TELO2: variants seen among roughly 807,000 people sequenced by gnomAD.
TELO2 encodes telomere maintenance 2.
A neutral mutation model predicts 91.0 loss-of-function variants in TELO2; 71 were observed. The ratio of observed to expected loss-of-function variants is 0.78; its 90% CI spans 0.64 to 0.95. The LOEUF (loss-of-function observed/expected upper bound fraction) is 0.95, where lower values mean the gene tolerates loss of function less well. Ranked by LOEUF, TELO2 falls within the 40% of genes least tolerant of loss-of-function variation. The pLI, the probability that TELO2 is intolerant of heterozygous loss-of-function variation, is 0.00. For synonymous variants in TELO2, 584 were observed against 518.9 expected, an observed-to-expected ratio of 1.13 and a Z score of -1.71; for missense variants, 1,183 against 1,141.3, an observed-to-expected ratio of 1.04 and a Z score of -0.53.
At chr16:1,506,054 C>T (rs1027776039) in intron 16 of TELO2, among the ~76,000 whole-genome samples, 184 bp from the exon 17 acceptor site, 13 of 152,220 alleles carry the variant, frequency 8.5e-5, no homozygotes, top group Non-Finnish European at 1.5e-4. Flanking sequence ...AGGCATTGGC[C>T]GCGGAGCCTG....
chr16:1,506,794 C>T, intron 17 of TELO2, 158 bp from the exon 18 acceptor site: 1 of 1,417,024 alleles, frequency 7.1e-7, no homozygotes, highest in Non-Finnish European at 9.2e-7. Flanking sequence ...GGAGTAGGCA[C>T]CCGGAAATGT....
chr16:1,498,618 G>T lies in TELO2; in HGVS notation c.831-613G>T, dbSNP rs187504863. 3.7e-3 allele frequency among the ~76,000 whole-genome samples: 568 copies of T among 152,180 alleles called. 10 individuals are homozygous for T. Among genetic ancestry groups the T allele is most frequent in the Admixed American group, 0.018 (274 of 15,284 alleles). Reference sequence around the variant, plus strand: ...TACCCAGCTAATTTTTAAATTTTTTGTAGCGACGGGGCTCACTTTGTTGCC... The same window carrying T: ...TACCCAGCTAATTTTTAAATTTTTTTTAGCGACGGGGCTCACTTTGTTGCC... On this transcript the variant is annotated intron_variant, in intron 5 of 20. Coordinates refer to ENST00000262319, the MANE Select transcript of TELO2 (RefSeq NM_016111.4).
chr16:1,501,315 C>A (rs1234004418), intron 9 of TELO2, 105 bp from the exon 10 acceptor site: 13 of 1,234,252 alleles, frequency 1.1e-5, no homozygotes, highest in African/African-American at 1.5e-5. Flanking sequence ...CTGAGTGAGA[C>A]CGGGCTGCGA....
chr16:1,506,842 A>G lies in TELO2; in HGVS notation c.2127-110A>G, dbSNP rs370854523. On this transcript the variant is annotated intron_variant, in intron 17 of 20. Transcript: ENST00000262319. ...TCTCGGTGCAGGCAAGGCGGTGGGC[A>G]CGGGAGGAGGGGCTGTGTGGGGCTC... 1.4e-3 allele frequency: 1,950 copies of G among 1,438,844 alleles called. 24 individuals carry two copies. The East Asian group carries it at 0.026, about 19-fold the overall frequency. The allele number at this position is 1,438,844 out of a possible 1,614,324, so 89.1% of individuals were successfully genotyped here.
chr16:1,502,090 C>T lies in TELO2; in HGVS notation c.1516C>T (p.Leu506=). Reference sequence around the variant, plus strand: ...CTACGACATGTCGGGGGACAGAGAGCTGAAGAGCAGCAAGGCTCCTGCCTA... The same window carrying T: ...CTACGACATGTCGGGGGACAGAGAGTTGAAGAGCAGCAAGGCTCCTGCCTA... ...VPYDMSGDRE[L]KSSKAPAYVR... The change falls in exon 12 of 21, where the codon CTG becomes TTG. Residue 506 remains leucine, a synonymous_variant. Transcript: ENST00000262319. 6.2e-7 allele frequency: 1 copy of T among 1,613,056 alleles called. No homozygotes were observed. Among genetic ancestry groups the T allele is most frequent in the Non-Finnish European group, 8.5e-7 (1 of 1,179,892 alleles).
At chr16:1,496,914 T>G in intron 3 of TELO2, 122 bp from the exon 4 acceptor site, 1 of 918,256 alleles carries the variant, frequency 1.1e-6, no homozygotes, top group Non-Finnish European at 1.7e-6. Context: ...CACCAGCCGT[T>G]GTTTTGAGTG....
chr16:1,503,028 C>G, intron 15 of TELO2, 26 bp downstream of exon 15: 1 of 1,606,994 alleles, frequency 6.2e-7, no homozygotes, highest in Non-Finnish European at 8.5e-7. Flanking sequence ...GCCTCAGTCC[C>G]CCTGGTCTGG....
In TELO2 at chr16:1,500,118, T is replaced by C; in HGVS notation, c.956T>C (p.Leu319Pro). Residue 319 changes from leucine to proline, a missense_variant, in exon 7 of 21, where the codon CTG (leucine) becomes CCG (proline). Transcript: ENST00000262319. ...CAGACGCCCATGCTGCAGAGCCTGC[T>C]GGGCCATCTGGCCATGGACAGCCAG... ...RLTTPMLQSL[L>P]GHLAMDSQRR... 1 of 1,609,042 alleles carries C rather than the reference T, an allele frequency of 6.2e-7. No homozygotes were observed. The highest frequency in any genetic ancestry group is 8.5e-7 in the Non-Finnish European group (1 of 1,179,498).
chr16:1,495,690 C>T (rs1596249702), intron 3 of TELO2, 67 bp downstream of exon 3: 10 of 1,516,588 alleles, frequency 6.6e-6, no homozygotes, highest in South Asian at 1.3e-5. Flanking sequence ...CTGCCACCCT[C>T]TGGTGCCTCA....
Position 1,506,227 on chromosome 16 carries a change from G to T in TELO2, c.2035-11G>T, listed in dbSNP as rs1392098313. The T allele has an allele frequency of 2.5e-6, 4 of 1,613,362 alleles. No individual in the cohort carries two copies. Among genetic ancestry groups the T allele is most frequent in the Non-Finnish European group, 2.5e-6 (3 of 1,179,954 alleles). On this transcript the variant is annotated splice_polypyrimidine_tract_variant and intron_variant, in intron 16 of 20. Transcript: ENST00000262319. ...CTGCACCTCCGTGATCGCTGTAGTTGTGTCTGGCAGGGTGGCCCGAGGCAG... is the reference window on the plus strand; with the variant it reads ...CTGCACCTCCGTGATCGCTGTAGTTTTGTCTGGCAGGGTGGCCCGAGGCAG...
rs777365699 is a variant in TELO2 at position 1,505,515 on chromosome 16, G to A, written c.1948G>A (p.Val650Ile). 7.4e-6 allele frequency: 12 copies of A among 1,613,070 alleles called. No homozygotes were observed. The highest frequency in any genetic ancestry group is 1.7e-5 in the Admixed American group (1 of 60,022). The stretch of plus-strand genomic sequence containing the variant: ...CACCCCGTGCCTGCCAGAGGCAGCC[G>A]TCTCTCAGCCTGGCAGTGCCGTGGC... ...PNTPCLPEAAVSQPGSAVASD... is the reference protein window; with the variant it reads ...PNTPCLPEAAISQPGSAVASD... Residue 650 changes from valine to isoleucine, a missense_variant, in exon 16 of 21, where the codon GTC (valine) becomes ATC (isoleucine). Coordinates refer to ENST00000262319, the MANE Select transcript of TELO2 (RefSeq NM_016111.4). This position sits in a 1 kb window ranked among gnomAD's most constrained non-coding sequence, Gnocchi z 4.3.
rs61743319 is a variant in TELO2, at chr16:1,494,377, G to A, written c.96G>A (p.Leu32=). 57 of 1,613,586 alleles carry A rather than the reference G, an allele frequency of 3.5e-5. No individual in the cohort carries two copies. The African/African-American group carries it at 6.5e-4, about 18-fold the overall frequency. The change falls in exon 2 of 21, where the codon CTG becomes CTA. Residue 32 remains leucine (L), a synonymous_variant. Coordinates refer to ENST00000262319, the MANE Select transcript of TELO2 (RefSeq NM_016111.4). The surrounding 1 kb of genome is among the most constrained non-coding windows in gnomAD (Gnocchi z 5.6). ...ATGGCGGCCACATCTTCTGCACCCT[G>A]GAGTCCCTGAAGCGGTATCTCGGTG... The part of the protein sequence containing the change: ...SEDGGHIFCT[L]ESLKRYLGEM...
At chr16:1,503,896 C>T (rs1288068244) in intron 15 of TELO2, among the ~76,000 whole-genome samples, 1 of 152,048 alleles carries the variant, frequency 6.6e-6, no homozygotes, top group Non-Finnish European at 1.5e-5. Flanking sequence ...CTGTGGGAGA[C>T]CAAAGTGGGA....
At chr16:1,508,420 C>T (rs1294561526) in intron 20 of TELO2, among the ~76,000 whole-genome samples, 4 of 152,212 alleles carry the variant, frequency 2.6e-5, no homozygotes, top group East Asian at 1.9e-4. Flanking sequence ...CGTGAGCCAC[C>T]GCGCCCGGCC....
At position 1,494,289 on chromosome 16, in the gene TELO2, C is replaced by T. The variant is rs764349331; in HGVS notation, c.8C>T (p.Pro3Leu). 5.6e-6 allele frequency: 9 copies of T among 1,612,380 alleles called. No homozygotes were observed. In the Admixed American group the frequency reaches 1.3e-4, roughly 24 times the overall value. Reference sequence around the variant, plus strand: ...CCAGATCTGTCCTGCAGGATGGAGCCAGCACCCTCAGAGGTTCGACTCGCC... The same window carrying T: ...CCAGATCTGTCCTGCAGGATGGAGCTAGCACCCTCAGAGGTTCGACTCGCC... Reference protein sequence around the residue: MEPAPSEVRLAVR... With the variant: MELAPSEVRLAVR... The change falls in exon 2 of 21, where the codon CCA (proline) becomes CTA (leucine). Residue 3 changes from proline to leucine, a missense_variant. Transcript: ENST00000262319. This position sits in a 1 kb window ranked among gnomAD's most constrained non-coding sequence, Gnocchi z 5.6.
In TELO2 at chr16:1,497,898, A is replaced by C. The variant is rs574482798; in HGVS notation, c.830+390A>C. On this transcript the variant is annotated intron_variant, in intron 5 of 20. Coordinates refer to ENST00000262319, the MANE Select transcript of TELO2 (RefSeq NM_016111.4). This position sits in a 1 kb window ranked among gnomAD's most constrained non-coding sequence, Gnocchi z 4.0. ...GAATCAAGGTTGCATTTCTGGAAGC[A>C]GGACTGCCGGCCATTTACCCCCACA... Among the ~76,000 whole-genome samples the C allele has an allele frequency of 6.6e-6, 1 of 152,278 alleles. No homozygotes were observed. Among genetic ancestry groups the C allele is most frequent in the East Asian group, 1.9e-4 (1 of 5,182 alleles).
In TELO2 at chr16:1,497,019, C is replaced by G. The variant is rs780759033; in HGVS notation, c.614-17C>G. The G allele has an allele frequency of 1.2e-6, 2 of 1,613,494 alleles. No individual in the cohort carries two copies. Among genetic ancestry groups the G allele is most frequent in the South Asian group, 2.2e-5 (2 of 90,960 alleles). ...CTTCCCGCCGGCTTCCTCATCAGGC[C>G]TCCCTTTCTGTCCCAGGTGGCCTGG... is the stretch of plus-strand genomic sequence containing the variant. On this transcript the variant is annotated splice_polypyrimidine_tract_variant and intron_variant, in intron 3 of 20. Transcript: ENST00000262319. This position sits in a 1 kb window ranked among gnomAD's most constrained non-coding sequence, Gnocchi z 4.0.
chr16:1,500,120 G>A lies in TELO2; in HGVS notation c.958G>A (p.Gly320Ser), dbSNP rs1596257389. ...GACGCCCATGCTGCAGAGCCTGCTG[G>A]GCCATCTGGCCATGGACAGCCAGCG... ...LTTPMLQSLL[G>S]HLAMDSQRRP... Residue 320 changes from glycine to serine, a missense_variant, in exon 7 of 21, where the codon GGC becomes AGC. Transcript: ENST00000262319. The A allele has an allele frequency of 6.8e-6, 11 of 1,608,710 alleles. No homozygotes were observed. The highest frequency in any genetic ancestry group is 1.7e-5 in the Admixed American group (1 of 59,930).
At chr16:1,496,507 G>A (rs986422718) in intron 3 of TELO2, among the ~76,000 whole-genome samples, 2 of 152,236 alleles carry the variant, frequency 1.3e-5, no homozygotes, top group East Asian at 1.9e-4. Context: ...GCTTTTTCAC[G>A]TGTTCGGGGT....
Sources: gnomAD v4.1 joint callset for allele counts (sites outside exome capture counted in the v4.1 genomes callset) on GRCh38, gnomAD v4.1.1 for gene constraint, Gnocchi (gnomAD v3.1) non-coding constraint, MANE v1.5 for transcripts, NCBI Gene and HGNC (gene_info 2026-07-23, HGNC 2026-07-21) for gene names.